Variants in SDK1 observed in about 807,000 individuals in gnomAD.
The protein encoded by SDK1 is sidekick cell adhesion molecule 1.
In SDK1, 157 loss-of-function variants were observed where a neutral mutation model predicts 245.5. That is an observed-to-expected ratio of 0.64 (90% CI 0.56 to 0.73). The LOEUF (loss-of-function observed/expected upper bound fraction) is 0.73. SDK1 is among the 30% of genes least tolerant of loss of function. SDK1 has a pLI of 0.00. For synonymous variants in SDK1, 1,647 were observed against 1,278.5 expected (o/e 1.29, Z -6.15); for missense variants, 3,583 against 3,002.3 (o/e 1.19, Z -4.52).
intron 4 of SDK1, among the ~76,000 whole-genome samples, chr7:3,687,117 G>A (rs1486309464): frequency 3.0e-5 from 4 of 134,622 alleles, no homozygotes; most frequent in Non-Finnish European, 4.6e-5. Context: ...GTATCACATG[G>A]GCATTGTTTC....
At chr7:3,422,557 C>G (rs1562477716) in intron 1 of SDK1, among the ~76,000 whole-genome samples, 1 of 152,106 alleles carries the variant, frequency 6.6e-6, no homozygotes, top group Admixed American at 6.5e-5. Flanking sequence ...ACTTGGGAGG[C>G]TGAGGGAGGA....
chr7:3,645,231 C>A (rs370487588), intron 4 of SDK1, among the ~76,000 whole-genome samples: 1 of 152,170 alleles, frequency 6.6e-6, no homozygotes, highest in African/African-American at 2.4e-5. Flanking sequence ...AGGGCTTTAA[C>A]TTGGTGTAAT....
intron 1 of SDK1, among the ~76,000 whole-genome samples, chr7:3,431,420 C>G (rs1248019775): frequency 2.0e-5 from 3 of 146,380 alleles, no homozygotes; most frequent in Admixed American, 6.9e-5. Flanking sequence ...TCCTAATAGC[C>G]TGCTGATTTT....
intron 17 of SDK1, among the ~76,000 whole-genome samples, chr7:4,017,925 T>C (rs1175460447): frequency 6.6e-6 from 1 of 152,134 alleles, no homozygotes; most frequent in African/African-American, 2.4e-5. Flanking sequence ...TAAATATCCG[T>C]GGTGAGATCC....
intron 1 of SDK1, among the ~76,000 whole-genome samples, chr7:3,504,269 G>A (rs1315104699): frequency 6.7e-6 from 1 of 148,562 alleles, no homozygotes; most frequent in African/African-American, 2.5e-5. Context: ...TGTTGTCGTT[G>A]TTGTTGTTGT....
At position 4,077,144 on chromosome 7, in the gene SDK1, A is replaced by G. The variant is rs1260876738; in HGVS notation, c.3157A>G (p.Thr1053Ala). Residue 1053 changes from threonine to alanine, a missense_variant, in exon 21 of 45, where the codon ACT becomes GCT. Physicochemically the swap from Thr to Ala is moderately conservative, Grantham distance 58 (BLOSUM62 0). Transcript: ENST00000404826. ...CGTGGCCGCTGTGACTGCCGTGGGCACTGGCCTGGTGACTTCATCCACCAT... is the reference window on the plus strand; with the variant it reads ...CGTGGCCGCTGTGACTGCCGTGGGCGCTGGCCTGGTGACTTCATCCACCAT... ...IDVAAVTAVG[T>A]GLVTSSTISS... is the part of the protein sequence containing the mutation. 1.9e-6 allele frequency: 3 copies of G among 1,614,230 alleles called. No homozygotes were observed. The highest frequency in any genetic ancestry group is 1.1e-5 in the South Asian group (1 of 91,086).
chr7:3,510,208 T>C (rs1333636227), intron 1 of SDK1, among the ~76,000 whole-genome samples: 1 of 152,200 alleles, frequency 6.6e-6, no homozygotes, highest in Admixed American at 6.5e-5. Flanking sequence ...TGCTAGTCAC[T>C]GTGGTGTGGG....
At chr7:4,125,125 T>C (rs111211150) in intron 25 of SDK1, among the ~76,000 whole-genome samples, 7,008 of 142,904 alleles carry the variant, frequency 0.049, 558 homozygotes, top group African/African-American at 0.18. Flanking sequence ...GGTGAATGGA[T>C]GGATGGAAAG....
chr7:3,708,661 C>A (rs1023282677), intron 4 of SDK1, among the ~76,000 whole-genome samples: 1 of 137,914 alleles, frequency 7.3e-6, no homozygotes, highest in African/African-American at 2.7e-5. Flanking sequence ...CCTCCAAGGT[C>A]CAGTTACCTC....
At chr7:3,862,792 G>T (rs1042408492) in intron 5 of SDK1, among the ~76,000 whole-genome samples, 1 of 152,146 alleles carries the variant, frequency 6.6e-6, no homozygotes, top group Non-Finnish European at 1.5e-5. Flanking sequence ...TGGTACCAGG[G>T]AGCAGTTTTG....
At chr7:3,987,889 G>C (rs1260667384) in intron 14 of SDK1, among the ~76,000 whole-genome samples, 2 of 152,072 alleles carry the variant, frequency 1.3e-5, no homozygotes, top group African/African-American at 4.8e-5. Context: ...CAGCTGGCTG[G>C]GTGACGTGTG....
At chr7:3,414,523 C>T (rs1779308446) in intron 1 of SDK1, among the ~76,000 whole-genome samples, 2 of 152,066 alleles carry the variant, frequency 1.3e-5, no homozygotes, top group Non-Finnish European at 2.9e-5. Context: ...CTTCCTTGAT[C>T]ACAAAAAATG....
chr7:4,025,271 GA>G (rs1787248951), intron 17 of SDK1, among the ~76,000 whole-genome samples: 1 of 152,178 alleles, frequency 6.6e-6, no homozygotes, highest in Admixed American at 6.5e-5. Context: ...CTCCCTTTCG[GA>G]AAAAGCTTCC....
At chr7:3,510,755 A>T (rs1402160922) in intron 1 of SDK1, among the ~76,000 whole-genome samples, 1 of 152,054 alleles carries the variant, frequency 6.6e-6, no homozygotes, top group African/African-American at 2.4e-5. Flanking sequence ...CAGACGTTTA[A>T]AGGCTGCAGA....
chr7:3,554,337 A>T (rs1333857016), intron 1 of SDK1, among the ~76,000 whole-genome samples: 1 of 152,218 alleles, frequency 6.6e-6, no homozygotes, highest in African/African-American at 2.4e-5. Context: ...ACAACACACT[A>T]TTAAATAATA....
chr7:4,223,780 CATA>C (rs1408637526), intron 40 of SDK1, among the ~76,000 whole-genome samples: 2 of 152,188 alleles, frequency 1.3e-5, no homozygotes, highest in Non-Finnish European at 2.9e-5. Context: ...TAATTCAATG[CATA>C]ATATTAGCTA....
intron 4 of SDK1, among the ~76,000 whole-genome samples, chr7:3,677,992 G>A (rs759293243): frequency 6.6e-6 from 1 of 152,186 alleles, no homozygotes; most frequent in Non-Finnish European, 1.5e-5. Flanking sequence ...CAAAAGGTCA[G>A]TAGGCTCATG....
At chr7:4,030,613 G>A (rs1427886065) in intron 17 of SDK1, among the ~76,000 whole-genome samples, 1 of 152,162 alleles carries the variant, frequency 6.6e-6, no homozygotes, top group African/African-American at 2.4e-5. Context: ...TTTCATACGC[G>A]CCTTGGTGCT....
chr7:3,615,387 A>G (rs1425342729), intron 1 of SDK1, among the ~76,000 whole-genome samples: 1 of 151,676 alleles, frequency 6.6e-6, no homozygotes, highest in African/African-American at 2.4e-5. Flanking sequence ...TTAAGAATGC[A>G]GTTGATATAC....
Sources: gnomAD v4.1 joint callset for allele counts (sites outside exome capture counted in the v4.1 genomes callset) on GRCh38, gnomAD v4.1.1 for gene constraint, MANE v1.5 for transcripts, NCBI Gene and HGNC (gene_info 2026-07-23, HGNC 2026-07-21) for gene names.